NXN: variants seen among roughly 807,000 people sequenced by gnomAD.
The protein encoded by NXN is nucleoredoxin 1.
A neutral mutation model predicts 48.6 loss-of-function variants in NXN; 16 were observed. The observed-to-expected ratio is 0.33, with a 90% confidence interval of 0.22 to 0.50. The LOEUF (loss-of-function observed/expected upper bound fraction) is 0.50, where lower values mean the gene tolerates loss of function less well. Among genes scored for constraint, NXN ranks in the 20% least tolerant of loss-of-function variants. NXN has a pLI of 0.98. For synonymous variants in NXN, 281 were observed against 269.6 expected (o/e 1.04, Z -0.41); for missense variants, 492 against 605.5 (o/e 0.81, Z 1.97).
chr17:888,745 A>G (rs2068375748), intron 1 of NXN, among the ~76,000 whole-genome samples: 2 of 152,078 alleles, frequency 1.3e-5, no homozygotes, highest in South Asian at 2.1e-4. Context: ...ACCTGAGGTC[A>G]GGAGTTCGAG....
chr17:895,656 C>A (rs2068473409), intron 1 of NXN, among the ~76,000 whole-genome samples: 1 of 144,322 alleles, frequency 6.9e-6, no homozygotes. Context: ...ACTTAAAATA[C>A]AAAAAAAAAA....
intron 1 of NXN, among the ~76,000 whole-genome samples, chr17:933,739 C>T (rs889140271): frequency 3.9e-5 from 6 of 152,090 alleles, no homozygotes; most frequent in Non-Finnish European, 8.8e-5. Flanking sequence ...GTATTATTCA[C>T]GAGGCACTAA....
intron 1 of NXN, among the ~76,000 whole-genome samples, chr17:832,952 G>A (rs569117404): frequency 7.9e-5 from 12 of 152,160 alleles, no homozygotes; most frequent in East Asian, 1.9e-4. Context: ...GTGCAGTGGC[G>A]CGATCTCAGT....
At chr17:828,959 C>T (rs934942271) in intron 1 of NXN, among the ~76,000 whole-genome samples, 2 of 151,970 alleles carry the variant, frequency 1.3e-5, no homozygotes, top group Admixed American at 1.3e-4. Context: ...AGCAAAACCA[C>T]ACAAATTGGG....
rs115365717 is a variant in NXN, at chr17:917,219, G to A, written c.360+62100C>T. On this transcript the variant is annotated intron_variant, in intron 1 of 7. Coordinates refer to ENST00000336868, the MANE Select transcript of NXN (RefSeq NM_022463.5). This position sits in a 1 kb window ranked among gnomAD's most constrained non-coding sequence, Gnocchi z 4.5. ...TGCAATGGCGCGACCTCGGCTCGCC[G>A]TGGCCTCCGCCTCGCGGGTTCAAGC... Among the ~76,000 whole-genome samples the A allele has an allele frequency of 0.012, 1,798 of 151,220 alleles. 32 individuals are homozygous for A. The highest frequency in any genetic ancestry group is 0.041 in the African/African-American group (1,691 of 41,106).
chr17:903,774 G>A (rs554745978), intron 1 of NXN, among the ~76,000 whole-genome samples: 17 of 152,294 alleles, frequency 1.1e-4, no homozygotes, highest in Admixed American at 4.6e-4. Flanking sequence ...AGAACACTGA[G>A]GTTCAGAGAG....
chr17:854,891 G>A (rs1441618575), intron 1 of NXN, among the ~76,000 whole-genome samples: 6 of 151,886 alleles, frequency 4.0e-5, no homozygotes, highest in Non-Finnish European at 5.9e-5. Flanking sequence ...CCCAGGAGGC[G>A]GAGGTTGCAG....
chr17:849,648 C>T lies in NXN; in HGVS notation c.361-23570G>A, dbSNP rs541935380. 5.9e-5 allele frequency among the ~76,000 whole-genome samples: 9 copies of T among 152,312 alleles called. No homozygotes were observed. Among genetic ancestry groups the T allele is most frequent in the South Asian group, 2.1e-4 (1 of 4,830 alleles). ...CTCCCTCCACGTCCTTGTCCTCTGG[C>T]GGCCAGCTGCCTCATCCCTTTACCT... On this transcript the variant is annotated intron_variant, in intron 1 of 7. Coordinates refer to ENST00000336868, the MANE Select transcript of NXN (RefSeq NM_022463.5). The surrounding 1 kb of genome is among the most constrained non-coding windows in gnomAD (Gnocchi z 4.2).
intron 1 of NXN, among the ~76,000 whole-genome samples, chr17:874,958 T>C (rs878862814): frequency 2.0e-5 from 3 of 151,984 alleles, no homozygotes; most frequent in South Asian, 4.2e-4. Flanking sequence ...AGTGCAATTA[T>C]AGAACACCAT....
chr17:810,594 G>A lies in NXN; in HGVS notation c.821-5347C>T, dbSNP rs1220777531. Among the ~76,000 whole-genome samples the A allele has an allele frequency of 2.0e-5, 3 of 152,218 alleles. No individual in the cohort carries two copies. The South Asian group carries it at 6.2e-4, about 32-fold the overall frequency. ...CCCCCAAAACACTCCCCTGCTTAGA[G>A]AGTTAAGGAAAGGAGCCGGGCACGG... On this transcript the variant is annotated intron_variant, in intron 5 of 7. Coordinates refer to ENST00000336868, the MANE Select transcript of NXN (RefSeq NM_022463.5).
At chr17:861,610 C>A (rs1597671799) in intron 1 of NXN, among the ~76,000 whole-genome samples, 1 of 152,150 alleles carries the variant, frequency 6.6e-6, no homozygotes, top group Admixed American at 6.5e-5. Context: ...TGAGCCTGAA[C>A]GTCTCACTGA....
At chr17:934,403 A>ATG (rs2068885616) in intron 1 of NXN, among the ~76,000 whole-genome samples, 1 of 150,332 alleles carries the variant, frequency 6.7e-6, no homozygotes, top group Non-Finnish European at 1.5e-5. Flanking sequence ...CCGAGATAGC[A>ATG]CCACTGCACT....
chr17:836,856 A>G lies in NXN; in HGVS notation c.361-10778T>C, dbSNP rs1449009482. Among the ~76,000 whole-genome samples, 4 of 152,200 alleles carry G rather than the reference A, an allele frequency of 2.6e-5. No individual in the cohort carries two copies. In the South Asian group the frequency reaches 8.3e-4, roughly 32 times the overall value. ...GGTCTCATTCTGTGGCCCAGGCAAA[A>G]TCATGGCTCACTGCAGCCTCCACCT... is the stretch of plus-strand genomic sequence containing the variant. On this transcript the variant is annotated intron_variant, in intron 1 of 7. Transcript: ENST00000336868.
chr17:891,690 T>C (rs1368360473), intron 1 of NXN, among the ~76,000 whole-genome samples: 6 of 152,018 alleles, frequency 3.9e-5, no homozygotes, highest in African/African-American at 7.3e-5. Flanking sequence ...TAACCTAAGC[T>C]AACCTCACCA....
intron 1 of NXN, among the ~76,000 whole-genome samples, chr17:949,676 C>T (rs574518201): frequency 3.2e-5 from 3 of 92,910 alleles, no homozygotes; most frequent in Admixed American, 1.1e-4. Flanking sequence ...CTCCTCTCCC[C>T]GTGGCCTCCT....
chr17:873,493 C>CAAAAAAAAAAAAAAAAAAAAAAA (rs71145783), intron 1 of NXN, among the ~76,000 whole-genome samples: 4 of 74,982 alleles, frequency 5.3e-5, no homozygotes, highest in African/African-American at 2.0e-4. Flanking sequence ...ACACTGTCTC[C>CAAAAAAAAAAAAAAAAAAAAAAA]AAAAAAAAAA....
Position 917,801 on chromosome 17 carries a change from G to A in NXN, c.360+61518C>T, listed in dbSNP as rs944729619. On this transcript the variant is annotated intron_variant, in intron 1 of 7. Transcript: ENST00000336868. The surrounding 1 kb of genome is among the most constrained non-coding windows in gnomAD (Gnocchi z 4.5). ...CTCCCCAGGAAGGCCTCGCAGAGGT[G>A]GGGACAAGGGCGGATGGGAAAGGGG... Among the ~76,000 whole-genome samples the A allele has an allele frequency of 1.3e-5, 2 of 152,190 alleles. No homozygotes were observed. Among genetic ancestry groups the A allele is most frequent in the African/African-American group, 4.8e-5 (2 of 41,438 alleles).
chr17:850,096 G>C (rs889763874), intron 1 of NXN, among the ~76,000 whole-genome samples: 22 of 152,242 alleles, frequency 1.4e-4, no homozygotes, highest in African/African-American at 4.6e-4. Flanking sequence ...ACTAAGACAG[G>C]TACGTGGGTC....
At chr17:801,225 C>T (rs549457321) in intron 7 of NXN, 94 bp from the exon 8 acceptor site, 24 of 1,015,334 alleles carry the variant, frequency 2.4e-5, no homozygotes, top group East Asian at 9.5e-5. Flanking sequence ...TGGTAGCTCC[C>T]GCACCCTGAA....
Sources: gnomAD v4.1 joint callset for allele counts (sites outside exome capture counted in the v4.1 genomes callset) on GRCh38, gnomAD v4.1.1 for gene constraint, Gnocchi (gnomAD v3.1) non-coding constraint, MANE v1.5 for transcripts, NCBI Gene and HGNC (gene_info 2026-07-23, HGNC 2026-07-21) for gene names.